FBXO36: variants seen among roughly 807,000 people sequenced by gnomAD.
The protein encoded by FBXO36 is F-box protein 36, also known as F-box only protein 36.
Under a neutral mutation model 17.0 loss-of-function variants are expected in FBXO36, and 18 were observed. The observed-to-expected ratio is 1.06, with a 90% CI of 0.73 to 1.57. The LOEUF is 1.57. FBXO36 is among the 40% of genes most tolerant of loss of function. The pLI, the probability that FBXO36 is intolerant of heterozygous loss-of-function variation, is 0.00. For missense variants in FBXO36, 229 were observed against 221.9 expected (o/e 1.03, Z -0.20); for synonymous variants, 83 against 85.3 (o/e 0.97, Z 0.15).
At chr2:229,961,753 A>G (rs2077122685) in intron 1 of FBXO36, among the ~76,000 whole-genome samples, 1 of 152,200 alleles carries the variant, frequency 6.6e-6, no homozygotes, top group African/African-American at 2.4e-5. Context: ...GCTTTGCATT[A>G]GGTTTACATA....
chr2:229,932,061 G>A (rs1025620484), intron 1 of FBXO36, among the ~76,000 whole-genome samples: 11 of 151,908 alleles, frequency 7.2e-5, no homozygotes, highest in African/African-American at 2.7e-4. Flanking sequence ...AGAGACTACA[G>A]GCCCGTTCCA....
At chr2:229,922,643 A>T in intron 1 of FBXO36, 34 bp downstream of exon 1, 2 of 1,606,166 alleles carry the variant, frequency 1.2e-6, no homozygotes, top group Non-Finnish European at 1.7e-6. Flanking sequence ...CTCTCTCCTA[A>T]CTCCCTACCT....
chr2:229,949,557 A>ACACT (rs2077044334), intron 1 of FBXO36, among the ~76,000 whole-genome samples: 1 of 151,848 alleles, frequency 6.6e-6, no homozygotes, highest in African/African-American at 2.4e-5. Context: ...ACACACACAC[A>ACACT]CACACACAGA....
At chr2:229,987,968 A>T (rs995907373) in intron 2 of FBXO36, among the ~76,000 whole-genome samples, 6 of 152,088 alleles carry the variant, frequency 3.9e-5, no homozygotes, top group Admixed American at 3.3e-4. Flanking sequence ...TTCTCCTCTA[A>T]ATTTTCTTTA....
At chr2:229,948,958 CTAG>C (rs2077041139) in intron 1 of FBXO36, among the ~76,000 whole-genome samples, 1 of 152,168 alleles carries the variant, frequency 6.6e-6, no homozygotes. Flanking sequence ...CTCAGCCTCC[CTAG>C]TAGCTGGGAC....
intron 1 of FBXO36, among the ~76,000 whole-genome samples, chr2:229,967,285 A>G (rs369141421): frequency 6.6e-6 from 1 of 152,114 alleles, no homozygotes; most frequent in Admixed American, 6.6e-5. Flanking sequence ...GGGCTGAGAC[A>G]ATGGGGTTTT....
At chr2:229,994,964 A>G (rs2077317291) in intron 2 of FBXO36, among the ~76,000 whole-genome samples, 1 of 151,506 alleles carries the variant, frequency 6.6e-6, no homozygotes. Context: ...AAATACAAAA[A>G]TTAGCCGGGC....
chr2:229,931,917 TA>T lies in FBXO36; in HGVS notation c.96+9309del, dbSNP rs1306141140. 9.6e-4 allele frequency among the ~76,000 whole-genome samples: 112 copies of T among 116,550 alleles called. 3 individuals carry two copies. In the South Asian group the frequency reaches 0.013, roughly 14 times the overall value. The allele number at this position is 116,550 out of a possible 152,430, so 76.5% of individuals were successfully genotyped here. On this transcript the variant is annotated intron_variant, in intron 1 of 3. Coordinates refer to ENST00000283946, the MANE Select transcript of FBXO36 (RefSeq NM_174899.5). ...TTGGTTTTTTGCTTGTATATGTGTA[TA>T]TATTTTTTTTTTTTTTTAGACAGGG...
chr2:229,996,370 C>T (rs540919681), intron 2 of FBXO36, among the ~76,000 whole-genome samples: 2 of 152,240 alleles, frequency 1.3e-5, no homozygotes, highest in Admixed American at 6.5e-5. Flanking sequence ...AGAAAAGCCA[C>T]GTGGACCAGC....
intron 1 of FBXO36, among the ~76,000 whole-genome samples, chr2:229,931,874 G>C (rs2076939927): frequency 1.3e-5 from 2 of 151,534 alleles, no homozygotes; most frequent in African/African-American, 4.8e-5. Context: ...TCACATGAAA[G>C]TAGTCTTTTG....
At chr2:229,965,147 CT>C (rs34600346) in intron 1 of FBXO36, among the ~76,000 whole-genome samples, 76 of 121,154 alleles carry the variant, frequency 6.3e-4, no homozygotes, top group South Asian at 1.6e-3. Context: ...TTCTTCCTTC[CT>C]TTTTTTTTTT....
At chr2:230,008,076 G>A (rs2077396272) in intron 3 of FBXO36, among the ~76,000 whole-genome samples, 1 of 152,156 alleles carries the variant, frequency 6.6e-6, no homozygotes, top group Non-Finnish European at 1.5e-5. Context: ...CAGATCAAAT[G>A]TCTCAGGGGA....
intron 2 of FBXO36, among the ~76,000 whole-genome samples, chr2:229,987,059 A>T (rs2077271936): frequency 6.6e-6 from 1 of 151,586 alleles, no homozygotes; most frequent in South Asian, 2.1e-4. Context: ...CTCTACTAAA[A>T]ATATAAAAAA....
chr2:229,961,693 A>C (rs1293762430), intron 1 of FBXO36, among the ~76,000 whole-genome samples: 1 of 152,098 alleles, frequency 6.6e-6, no homozygotes, highest in Non-Finnish European at 1.5e-5. Context: ...TTACTACATG[A>C]ATTTAAAATA....
At chr2:229,942,834 G>A (rs2077006825) in intron 1 of FBXO36, 1 of 152,288 alleles carries the variant, frequency 6.6e-6, no homozygotes, top group Non-Finnish European at 1.5e-5. Context: ...TTTTCCCACA[G>A]TCAAGCCGGT....
intron 2 of FBXO36, among the ~76,000 whole-genome samples, chr2:229,993,796 A>G (rs1221884214): frequency 6.6e-6 from 1 of 151,972 alleles, no homozygotes; most frequent in Non-Finnish European, 1.5e-5. Flanking sequence ...GCAGGGACGG[A>G]GTTTGGCTCT....
intron 1 of FBXO36, among the ~76,000 whole-genome samples, chr2:229,929,481 G>C (rs2076928187): frequency 1.3e-5 from 2 of 151,954 alleles, no homozygotes; most frequent in Non-Finnish European, 2.9e-5. Context: ...CAGGAGAATG[G>C]CTTGAACCTG....
rs186992992 is a variant in FBXO36 at position 229,934,116 on chromosome 2, G to T, written c.96+11507G>T. ...TTCTCAGAGCCTTTCAAATCCTATT[G>T]TGCAGCCGGGTGCGGTGGCTCACGC... On this transcript the variant is annotated intron_variant, in intron 1 of 3. Coordinates refer to ENST00000283946, the MANE Select transcript of FBXO36 (RefSeq NM_174899.5). Among the ~76,000 whole-genome samples the T allele has an allele frequency of 1.8e-3, 278 of 151,988 alleles. 1 individual carries two copies. Among genetic ancestry groups the T allele is most frequent in the African/African-American group, 6.5e-3 (271 of 41,466 alleles).
At chr2:229,958,604 T>G (rs2106180067) in intron 1 of FBXO36, among the ~76,000 whole-genome samples, 1 of 152,266 alleles carries the variant, frequency 6.6e-6, no homozygotes, top group African/African-American at 2.4e-5. Context: ...TTTAGCACAC[T>G]TATCTGCAGA....
Sources: allele counts gnomAD v4.1 joint callset (sites outside exome capture counted in the v4.1 genomes callset), GRCh38; gene constraint gnomAD v4.1.1; transcripts MANE v1.5; gene names NCBI Gene and HGNC (gene_info 2026-07-23, HGNC 2026-07-21).